TRMT1L: variants seen among roughly 807,000 people sequenced by gnomAD.
The protein encoded by TRMT1L is tRNA (guanine(27)-N(2))-dimethyltransferase.
In TRMT1L, 28 loss-of-function variants were observed where a neutral mutation model predicts 81.6. That is an observed-to-expected ratio of 0.34 (90% CI 0.25 to 0.47). The LOEUF (loss-of-function observed/expected upper bound fraction) is 0.47, where lower values mean the gene tolerates loss of function less well. Ranked by LOEUF, TRMT1L falls within the 20% of genes least tolerant of loss-of-function variation. The pLI, the probability that TRMT1L is intolerant of heterozygous loss-of-function variation, is 1.00. For synonymous variants in TRMT1L, 301 were observed against 303.2 expected, an observed-to-expected ratio of 0.99 and a Z score of 0.07; for missense variants, 739 against 877.1, an observed-to-expected ratio of 0.84 and a Z score of 1.99.
chr1:185,140,067 C>A lies in TRMT1L; in HGVS notation c.1015G>T (p.Asp339Tyr). The A allele has an allele frequency of 1.9e-6, 3 of 1,613,732 alleles. No homozygotes were observed. The highest frequency in any genetic ancestry group is 2.5e-6 in the Non-Finnish European group (3 of 1,179,856). Residue 339 changes from aspartate (D) to tyrosine (Y), a missense_variant, in exon 8 of 15, where the codon GAT (aspartate) becomes TAT (tyrosine). Transcript: ENST00000367506. ...TTTTTCTCTCCTTCTTCAAGAATAT[C>A]ATCACTCTTTTCCTTTTCCTTACTG... ...VDSKEKEKSD[D>Y]ILEEGEKNLG...
intron 7 of TRMT1L, among the ~76,000 whole-genome samples, chr1:185,142,126 G>C (rs1653066098): frequency 6.6e-6 from 1 of 152,140 alleles, no homozygotes; most frequent in Non-Finnish European, 1.5e-5. Flanking sequence ...AAGCGACTTG[G>C]GAAATAATCA....
intron 10 of TRMT1L, 37 bp downstream of exon 10, chr1:185,137,569 G>A (rs1003587309): frequency 3.8e-6 from 6 of 1,578,152 alleles, no homozygotes; most frequent in Non-Finnish European, 5.2e-6. Flanking sequence ...ATTCAGTGGA[G>A]GATTATAGAT....
intron 3 of TRMT1L, among the ~76,000 whole-genome samples, chr1:185,149,783 T>C (rs1014878572): frequency 2.0e-5 from 3 of 152,212 alleles, no homozygotes; most frequent in Admixed American, 6.5e-5. Flanking sequence ...GTTCTTGTTT[T>C]CTGTCCTTCG....
chr1:185,124,342 T>C (rs768983132), intron 12 of TRMT1L, among the ~76,000 whole-genome samples: 1 of 119,792 alleles, frequency 8.3e-6, no homozygotes, highest in South Asian at 2.5e-4. Context: ...ACCTTTAGTG[T>C]TTTTTTTTTC....
chr1:185,151,795 G>GGA, intron 2 of TRMT1L, 30 bp downstream of exon 2: 1 of 1,154,708 alleles, frequency 8.7e-7, no homozygotes, highest in Non-Finnish European at 1.2e-6. Context: ...TAGAAACTAA[G>GGA]AAAAAAAAAA....
intron 1 of TRMT1L, among the ~76,000 whole-genome samples, chr1:185,152,751 T>C (rs1421875678): frequency 6.6e-6 from 1 of 152,186 alleles, no homozygotes; most frequent in Non-Finnish European, 1.5e-5. Flanking sequence ...GTTTATGTGG[T>C]TGAGAATAAT....
chr1:185,156,354 CCCA>C (rs1653563225), intron 1 of TRMT1L, 121 bp downstream of exon 1: 1 of 1,605,558 alleles, frequency 6.2e-7, no homozygotes, highest in Non-Finnish European at 8.5e-7. Context: ...CTCTTTCCTC[CCCA>C]CCATTTTCCT....
Position 185,156,576 on chromosome 1 carries a change from G to A in TRMT1L, c.137C>T (p.Ala46Val), listed in dbSNP as rs1406856412. The change falls in exon 1 of 15, where the codon GCT (alanine) becomes GTT (valine). Residue 46 changes from alanine to valine, a missense_variant. Coordinates refer to ENST00000367506, the MANE Select transcript of TRMT1L (RefSeq NM_030934.5). ...GGCTGGAGCCGAGGCCGGAGTCGGA[G>A]CCGAGTCCAGAGCCGAATCCGGGGC... ...APAPDSALDS[A>V]PTPASAPAPA... 1.9e-6 allele frequency: 3 copies of A among 1,599,676 alleles called. No homozygotes were observed. The highest frequency in any genetic ancestry group is 1.7e-6 in the Non-Finnish European group (2 of 1,173,632).
At position 185,140,198 on chromosome 1, in the gene TRMT1L, T is replaced by C; in HGVS notation, c.884A>G (p.Lys295Arg). 6.2e-7 allele frequency: 1 copy of C among 1,613,676 alleles called. No homozygotes were observed. Among genetic ancestry groups the C allele is most frequent in the East Asian group, 2.2e-5 (1 of 44,770 alleles). Reference sequence around the variant, plus strand: ...AACTTTGACTGCATTTCCAAGATGTTTTGCCCACTGTAATCCCATTATCCC... The same window carrying C: ...AACTTTGACTGCATTTCCAAGATGTCTTGCCCACTGTAATCCCATTATCCC... Reference protein sequence around the residue: ...ATGIMGLQWAKHLGNAVKVTI... With the variant: ...ATGIMGLQWARHLGNAVKVTI... The change falls in exon 8 of 15, where the codon AAA (lysine) becomes AGA (arginine). Residue 295 changes from lysine to arginine, a missense_variant. Physicochemically the swap from Lys to Arg is conservative, Grantham distance 26. This residue lies in a region of TRMT1L where 331 missense variants were observed against 462.2 expected (regional missense o/e 0.72). Transcript: ENST00000367506.
intron 10 of TRMT1L, among the ~76,000 whole-genome samples, chr1:185,130,543 T>C (rs953457492): frequency 2.1e-4 from 32 of 152,186 alleles, no homozygotes; most frequent in African/African-American, 6.3e-4. Context: ...ATTAGTGTTT[T>C]GGGACCCTGC....
Position 185,119,908 on chromosome 1 carries a change from G to GT in TRMT1L, c.*110dup. On this transcript the variant is annotated 3_prime_UTR_variant, in exon 15 of 15. Transcript: ENST00000367506. ...TCAGTTTCTGAATGAAAATGACACT[G>GT]TTTTTTATTTTTACTCTACTGAATT... 1 of 1,264,430 alleles carries GT rather than the reference G, an allele frequency of 7.9e-7. No homozygotes were observed. The highest frequency in any genetic ancestry group is 1.1e-6 in the Non-Finnish European group (1 of 944,904). The allele number at this position is 1,264,430 out of a possible 1,614,324, so 78.3% of individuals were successfully genotyped here. A position where few individuals can be genotyped will look rare whatever the true frequency, so the allele number is the denominator to read the frequency against.
intron 3 of TRMT1L, among the ~76,000 whole-genome samples, chr1:185,148,741 T>A (rs1383862734): frequency 6.6e-6 from 1 of 152,184 alleles, no homozygotes; most frequent in Non-Finnish European, 1.5e-5. Flanking sequence ...TCCTAAGAAG[T>A]CAGTATGGTT....
rs754234562 is a variant in TRMT1L at position 185,124,930 on chromosome 1, G to A, written c.1759+14C>T. 9.4e-6 allele frequency: 15 copies of A among 1,601,284 alleles called. No homozygotes were observed. Among genetic ancestry groups the A allele is most frequent in the South Asian group, 2.3e-5 (2 of 88,300 alleles). ...AGCAGTTTAAAGCTAGTAAGCTAGC[G>A]TTCAGTTAGTCACCTTGCTTGTTGA... On this transcript the variant is annotated intron_variant, in intron 12 of 14. Coordinates refer to ENST00000367506, the MANE Select transcript of TRMT1L (RefSeq NM_030934.5).
chr1:185,157,453 C>G (rs1031584360), upstream of TRMT1L: 1 of 152,512 alleles, frequency 6.6e-6, no homozygotes, highest in African/African-American at 2.4e-5. Context: ...ACTCTGTGGG[C>G]GGGTCCGGGG....
chr1:185,120,422 T>C lies in TRMT1L; in HGVS notation c.1910A>G (p.Asn637Ser), dbSNP rs1402009616. The C allele has an allele frequency of 2.5e-6, 4 of 1,602,562 alleles. No individual in the cohort carries two copies. Among genetic ancestry groups the C allele is most frequent in the South Asian group, 1.1e-5 (1 of 88,344 alleles). The change falls in exon 14 of 15, where the codon AAC becomes AGC. Residue 637 changes from asparagine (N) to serine (S), a missense_variant. By Grantham distance (46) the Asn-to-Ser change is conservative. This residue lies in a region of TRMT1L where 196 missense variants were observed against 232.6 expected (regional missense o/e 0.84). Coordinates refer to ENST00000367506, the MANE Select transcript of TRMT1L (RefSeq NM_030934.5). Reference sequence around the variant, plus strand: ...TCCTTTAATGCTGTGTCTGTGAATGTTGTAATAAAAGGGAGGATGTTCAGT... The same window carrying C: ...TCCTTTAATGCTGTGTCTGTGAATGCTGTAATAAAAGGGAGGATGTTCAGT... ...VSTEHPPFYYNIHRHSIKGMN... is the reference protein window; with the variant it reads ...VSTEHPPFYYSIHRHSIKGMN...
intron 1 of TRMT1L, among the ~76,000 whole-genome samples, chr1:185,155,033 T>C (rs1055249553): frequency 2.0e-5 from 3 of 152,228 alleles, no homozygotes; most frequent in African/African-American, 7.2e-5. Flanking sequence ...AAAAATAATG[T>C]TTAAAATGTG....
intron 10 of TRMT1L, among the ~76,000 whole-genome samples, chr1:185,129,234 G>T (rs1652711059): frequency 1.3e-5 from 2 of 152,158 alleles, no homozygotes; most frequent in Admixed American, 6.5e-5. Context: ...TTAAAAAGTT[G>T]ATGAATTTTA....
At chr1:185,121,105 T>C (rs1357609272) in intron 13 of TRMT1L, among the ~76,000 whole-genome samples, 1 of 152,230 alleles carries the variant, frequency 6.6e-6, no homozygotes, top group African/African-American at 2.4e-5. Context: ...CACTTAGTTT[T>C]TTCATTTTGA....
In TRMT1L at chr1:185,120,522, C is replaced by A; in HGVS notation, c.1823-13G>T. The A allele has an allele frequency of 1.3e-6, 2 of 1,553,486 alleles. No homozygotes were observed. The highest frequency in any genetic ancestry group is 1.7e-6 in the Non-Finnish European group (2 of 1,156,570). The stretch of plus-strand genomic sequence containing the variant: ...CTTTTTCTCTTTCCTGCAACATACA[C>A]ATACAAAGTTAGCATGCTCTTAAAA... On this transcript the variant is annotated splice_polypyrimidine_tract_variant and intron_variant, in intron 13 of 14. Coordinates refer to ENST00000367506, the MANE Select transcript of TRMT1L (RefSeq NM_030934.5).
Sources: allele counts gnomAD v4.1 joint callset (sites outside exome capture counted in the v4.1 genomes callset), GRCh38; gene constraint gnomAD v4.1.1; regional missense constraint gnomAD v4.1.1; transcripts MANE v1.5; gene names NCBI Gene and HGNC (gene_info 2026-07-23, HGNC 2026-07-21).